The following PKNOX2 variants were observed in gnomAD, a reference collection of about 807,000 sequenced individuals.
PKNOX2 encodes PBX/knotted 1 homeobox 2.
A neutral mutation model predicts 53.1 loss-of-function variants in PKNOX2; 14 were observed. That is an observed-to-expected ratio of 0.26 (90% CI 0.17 to 0.41). The LOEUF is 0.41. Ranked by LOEUF, PKNOX2 falls within the 10% of genes least tolerant of loss-of-function variation. PKNOX2 has a pLI of 1.00. For synonymous variants in PKNOX2, 257 were observed against 242.8 expected (o/e 1.06, Z -0.54); for missense variants, 496 against 602.8 (o/e 0.82, Z 1.85).
At chr11:125,182,287 T>A (rs1446799710) in intron 1 of PKNOX2, among the ~76,000 whole-genome samples, 1 of 152,118 alleles carries the variant, frequency 6.6e-6, no homozygotes, top group African/African-American at 2.4e-5. Flanking sequence ...GGAGAGAATG[T>A]CATGGAACTG....
At chr11:125,424,515 G>A (rs574397994) in intron 10 of PKNOX2, among the ~76,000 whole-genome samples, 75 of 152,230 alleles carry the variant, frequency 4.9e-4, no homozygotes, top group Admixed American at 3.4e-3. Flanking sequence ...GTGGTGGCTG[G>A]CAGCAGCCCA....
chr11:125,207,654 T>G (rs1387622317), intron 1 of PKNOX2, among the ~76,000 whole-genome samples: 1 of 152,010 alleles, frequency 6.6e-6, no homozygotes, highest in Non-Finnish European at 1.5e-5. Context: ...TAAGAGAGTA[T>G]TCCTTCGCTT....
chr11:125,207,491 T>C (rs78136034), intron 1 of PKNOX2, among the ~76,000 whole-genome samples: 7,232 of 151,962 alleles, frequency 0.048, 403 homozygotes, highest in Admixed American at 0.16. Flanking sequence ...TAAAACATGA[T>C]GCGAGAGAAA....
At chr11:125,385,177 T>G (rs987810243) in intron 5 of PKNOX2, among the ~76,000 whole-genome samples, 1 of 152,212 alleles carries the variant, frequency 6.6e-6, no homozygotes, top group Non-Finnish European at 1.5e-5. Flanking sequence ...CATCCAGGAC[T>G]TCTCTGGACA....
Position 125,165,896 on chromosome 11 carries a change from G to C in PKNOX2, c.-201+1120G>C, listed in dbSNP as rs962167476. 6.6e-6 allele frequency among the ~76,000 whole-genome samples: 1 copy of C among 152,182 alleles called. No homozygotes were observed. Among genetic ancestry groups the C allele is most frequent in the Admixed American group, 6.5e-5 (1 of 15,284 alleles). ...TTGCATTTCTTTCGGGTTAGGAGAC[G>C]GGCTTTCCTGGCTCCCGATCCCCAG... On this transcript the variant is annotated intron_variant, in intron 1 of 12. Coordinates refer to ENST00000298282, the MANE Select transcript of PKNOX2 (RefSeq NM_001382323.2). The surrounding 1 kb of genome is among the most constrained non-coding windows in gnomAD (Gnocchi z 4.5).
At chr11:125,270,162 T>C (rs1415863250) in intron 2 of PKNOX2, among the ~76,000 whole-genome samples, 2 of 152,238 alleles carry the variant, frequency 1.3e-5, no homozygotes, top group Non-Finnish European at 2.9e-5. Context: ...AACTCAGTGT[T>C]CCTGGATTTA....
At chr11:125,171,365 T>C (rs1955309914) in intron 1 of PKNOX2, among the ~76,000 whole-genome samples, 1 of 152,234 alleles carries the variant, frequency 6.6e-6, no homozygotes, top group Non-Finnish European at 1.5e-5. Flanking sequence ...AAGCCTGTCC[T>C]CAAGGAGCTT....
chr11:125,192,679 G>A (rs611731), intron 1 of PKNOX2, among the ~76,000 whole-genome samples: 106,845 of 152,056 alleles, frequency 0.7, 37,702 homozygotes, highest in African/African-American at 0.75. Context: ...GAAGGGAGGT[G>A]TTTGCCCATT....
intron 2 of PKNOX2, among the ~76,000 whole-genome samples, chr11:125,289,498 G>T (rs1173167975): frequency 1.3e-5 from 2 of 152,170 alleles, no homozygotes; most frequent in African/African-American, 4.8e-5. Flanking sequence ...GCTACCTCTA[G>T]CCTTATTTAT....
chr11:125,176,999 C>T (rs757229704), intron 1 of PKNOX2, among the ~76,000 whole-genome samples: 20 of 152,294 alleles, frequency 1.3e-4, no homozygotes, highest in African/African-American at 2.4e-5. Context: ...GATAACCTTG[C>T]GATGTTCATG....
At chr11:125,340,314 A>C (rs1003761902) in intron 3 of PKNOX2, among the ~76,000 whole-genome samples, 8 of 152,234 alleles carry the variant, frequency 5.3e-5, no homozygotes, top group African/African-American at 1.9e-4. Flanking sequence ...TCGAGGGCCC[A>C]ACTCTAAACT....
intron 4 of PKNOX2, among the ~76,000 whole-genome samples, chr11:125,358,526 C>T (rs1951747443): frequency 6.6e-6 from 1 of 152,210 alleles, no homozygotes; most frequent in South Asian, 2.1e-4. Flanking sequence ...TAAACCACCA[C>T]TTACAAACCC....
chr11:125,256,492 C>T (rs1252078341), intron 2 of PKNOX2, among the ~76,000 whole-genome samples: 1 of 152,192 alleles, frequency 6.6e-6, no homozygotes, highest in Non-Finnish European at 1.5e-5. Flanking sequence ...AGTACCCACT[C>T]TGTGCATTTG....
At position 125,256,069 on chromosome 11, in the gene PKNOX2, G is replaced by A. The variant is rs1226833371; in HGVS notation, c.-130+20954G>A. Among the ~76,000 whole-genome samples, 7 of 152,016 alleles carry A rather than the reference G, an allele frequency of 4.6e-5. No homozygotes were observed. The South Asian group carries it at 1.5e-3, about 32-fold the overall frequency. ...AGTTCTCCAATCTCAGGAAATGAGG[G>A]AACTTAGCCTGCTGGGAAGACGGTG... On this transcript the variant is annotated intron_variant, in intron 2 of 12. Transcript: ENST00000298282.
At chr11:125,312,944 G>A (rs1331946491) in intron 2 of PKNOX2, among the ~76,000 whole-genome samples, 2 of 152,142 alleles carry the variant, frequency 1.3e-5, no homozygotes, top group African/African-American at 4.8e-5. Context: ...ATGAACAGAG[G>A]CATAAGGAAG....
intron 2 of PKNOX2, among the ~76,000 whole-genome samples, chr11:125,237,042 T>C (rs994435130): frequency 6.6e-6 from 1 of 152,218 alleles, no homozygotes; most frequent in Non-Finnish European, 1.5e-5. Context: ...GGTGCCACCA[T>C]GGAATCTCAG....
rs1447018380 is a variant in PKNOX2, at chr11:125,422,745, C to T, written c.937-6267C>T. On this transcript the variant is annotated intron_variant, in intron 10 of 12. Transcript: ENST00000298282. This position sits in a 1 kb window ranked among gnomAD's most constrained non-coding sequence, Gnocchi z 4.1. Reference sequence around the variant, plus strand: ...AAAAATGGCTGCAGGAGATTTACAACCTCACAGCATTCCCCAAGAAGCTTA... The same window carrying T: ...AAAAATGGCTGCAGGAGATTTACAATCTCACAGCATTCCCCAAGAAGCTTA... Among the ~76,000 whole-genome samples, 1 of 152,190 alleles carries T rather than the reference C, an allele frequency of 6.6e-6. No individual in the cohort carries two copies. Among genetic ancestry groups the T allele is most frequent in the Non-Finnish European group, 1.5e-5 (1 of 68,036 alleles).
At position 125,411,586 on chromosome 11, in the gene PKNOX2, G is replaced by T. The variant is rs1486169135; in HGVS notation, c.817-160G>T. The T allele has an allele frequency of 1.1e-5, 11 of 1,013,472 alleles. No individual in the cohort carries two copies. The African/African-American group carries it at 1.6e-4, about 15-fold the overall frequency. 62.8% of individuals were successfully genotyped at this position (1,013,472 alleles called of 1,614,324 possible). A position where few individuals can be genotyped will look rare whatever the true frequency, so the allele number is the denominator to read the frequency against. ...CCAAGCCTCACCTCCACTCTCTGAGGGGCTGGCATGGGCTGAGAGGGAAAG... is the reference window on the plus strand; with the variant it reads ...CCAAGCCTCACCTCCACTCTCTGAGTGGCTGGCATGGGCTGAGAGGGAAAG... On this transcript the variant is annotated intron_variant, in intron 9 of 12. Transcript: ENST00000298282.
chr11:125,167,634 G>A (rs1283132063), intron 1 of PKNOX2, among the ~76,000 whole-genome samples: 1 of 152,248 alleles, frequency 6.6e-6, no homozygotes, highest in African/African-American at 2.4e-5. Flanking sequence ...TTGCACTGAA[G>A]TATACCCAAC....
Sources: allele counts gnomAD v4.1 joint callset (sites outside exome capture counted in the v4.1 genomes callset), GRCh38; gene constraint gnomAD v4.1.1; non-coding constraint Gnocchi (gnomAD v3.1); transcripts MANE v1.5; gene names NCBI Gene and HGNC (gene_info 2026-07-23, HGNC 2026-07-21).